Variants in ERLEC1 observed in about 807,000 individuals in gnomAD.
ERLEC1 encodes the protein endoplasmic reticulum lectin 1, also known as ER lectin.
Under a neutral mutation model 68.0 loss-of-function variants are expected in ERLEC1, and 47 were observed. The ratio of observed to expected loss-of-function variants is 0.69; its 90% confidence interval spans 0.55 to 0.88. The LOEUF (loss-of-function observed/expected upper bound fraction) is 0.88. ERLEC1 is among the 40% of genes least tolerant of loss of function. ERLEC1 has a pLI of 0.00. For missense variants in ERLEC1, 567 were observed against 583.8 expected (o/e 0.97, Z 0.30); for synonymous variants, 225 against 203.2 (o/e 1.11, Z -0.91).
chr2:53,794,207 T>G (rs1282942973), intron 1 of ERLEC1, 138 bp from the exon 2 acceptor site: 3 of 514,776 alleles, frequency 5.8e-6, no homozygotes, highest in Non-Finnish European at 1.0e-5. Flanking sequence ...TTGTAGCATA[T>G]TTTCCCTCCC....
chr2:53,800,022 C>T (rs983219583), intron 6 of ERLEC1, among the ~76,000 whole-genome samples: 1 of 152,018 alleles, frequency 6.6e-6, no homozygotes, highest in African/African-American at 2.4e-5. Flanking sequence ...CCAGACACTG[C>T]CAGACATTTA....
At chr2:53,797,424 T>C in intron 3 of ERLEC1, 91 bp from the exon 4 acceptor site, 2 of 869,520 alleles carry the variant, frequency 2.3e-6, no homozygotes, top group Non-Finnish European at 3.5e-6. Context: ...CTCTGAAATC[T>C]TAGGGGAAGT....
rs1488983840 is a variant in ERLEC1 at position 53,818,584 on chromosome 2, T to A, written c.*615T>A. On this transcript the variant is annotated 3_prime_UTR_variant, in exon 14 of 14. Transcript: ENST00000185150. ...TAGGTTGCTTCTCTCTCAGAACTTT[T>A]ATCTATTACTTTTTTCTTCTTATGA... is the stretch of plus-strand genomic sequence containing the variant. 1 of 152,214 alleles carries A rather than the reference T, an allele frequency of 6.6e-6. No individual in the cohort carries two copies. The highest frequency in any genetic ancestry group is 1.5e-5 in the Non-Finnish European group (1 of 68,044). The allele number at this position is 152,214 out of a possible 1,614,324, so 9.4% of individuals were successfully genotyped here. A position where few individuals can be genotyped will look rare whatever the true frequency, so the allele number is the denominator to read the frequency against.
intron 8 of ERLEC1, among the ~76,000 whole-genome samples, chr2:53,802,779 T>G (rs1369509963): frequency 6.6e-6 from 1 of 152,212 alleles, no homozygotes; most frequent in Non-Finnish European, 1.5e-5. Context: ...TCACCCAGGC[T>G]GGAGTGCAGT....
chr2:53,795,639 T>C (rs1433071941), intron 2 of ERLEC1, among the ~76,000 whole-genome samples: 1 of 152,198 alleles, frequency 6.6e-6, no homozygotes, highest in Non-Finnish European at 1.5e-5. Context: ...AGGAAACTGA[T>C]ACTTAAAAAC....
chr2:53,792,371 TAGG>T (rs928345527), intron 1 of ERLEC1, among the ~76,000 whole-genome samples: 9 of 152,152 alleles, frequency 5.9e-5, no homozygotes, highest in African/African-American at 2.2e-4. Context: ...CATAGTAATC[TAGG>T]AGAAGTTTGT....
At chr2:53,799,536 T>C (rs977434447) in intron 6 of ERLEC1, among the ~76,000 whole-genome samples, 2 of 152,126 alleles carry the variant, frequency 1.3e-5, no homozygotes, top group Non-Finnish European at 2.9e-5. Context: ...GTCAGACATA[T>C]TATAGGCACT....
chr2:53,787,719 T>C (rs767144697), intron 1 of ERLEC1: 9 of 223,162 alleles, frequency 4.0e-5, no homozygotes, highest in Non-Finnish European at 7.0e-5. Flanking sequence ...TAACTGTGGC[T>C]CTTACTTCAC....
rs1675878803 is a variant in ERLEC1, at chr2:53,799,218, G to GA, written c.525+139dup. 5.7e-6 allele frequency: 4 copies of GA among 702,010 alleles called. No individual in the cohort carries two copies. In the East Asian group the frequency reaches 1.1e-4, roughly 20 times the overall value. The allele number at this position is 702,010 out of a possible 1,614,324, so 43.5% of individuals were successfully genotyped here. ...AAATACCTTGAAGGACTGGGTCAAA[G>GA]AATCTTTGCAGTATATTCCTTTTTT... On this transcript the variant is annotated intron_variant, in intron 6 of 13. Transcript: ENST00000185150.
chr2:53,798,870 T>A (rs963169930), intron 5 of ERLEC1, among the ~76,000 whole-genome samples, 177 bp from the exon 6 acceptor site: 28 of 152,044 alleles, frequency 1.8e-4, no homozygotes, highest in African/African-American at 6.0e-4. Flanking sequence ...TAAATATGAC[T>A]TCCTTTCATA....
chr2:53,800,901 G>C (rs1675967548), intron 6 of ERLEC1, among the ~76,000 whole-genome samples: 1 of 152,076 alleles, frequency 6.6e-6, no homozygotes, highest in African/African-American at 2.4e-5. Flanking sequence ...AGTCAGTACT[G>C]TATTTAAACT....
intron 3 of ERLEC1, among the ~76,000 whole-genome samples, chr2:53,796,878 G>GT (rs1675734811): frequency 7.0e-6 from 1 of 142,342 alleles, no homozygotes; most frequent in African/African-American, 2.6e-5. Context: ...TCAAAATAAA[G>GT]TTTTCTTTTT....
At chr2:53,799,377 A>T (rs1037351971) in intron 6 of ERLEC1, among the ~76,000 whole-genome samples, 3 of 152,202 alleles carry the variant, frequency 2.0e-5, no homozygotes, top group Non-Finnish European at 4.4e-5. Context: ...TTCCCTCTAT[A>T]TAACACTGGA....
chr2:53,798,756 T>C (rs759380616), intron 5 of ERLEC1, among the ~76,000 whole-genome samples: 11 of 151,744 alleles, frequency 7.2e-5, no homozygotes, highest in Non-Finnish European at 1.5e-4. Flanking sequence ...TTCAGATTGG[T>C]CAGTTAATTT....
At position 53,803,969 on chromosome 2, in the gene ERLEC1, A is replaced by C. The variant is rs575366338; in HGVS notation, c.879+2127A>C. On this transcript the variant is annotated intron_variant, in intron 8 of 13. Transcript: ENST00000185150. Reference sequence around the variant, plus strand: ...CCTGGCAAAACCCCATCTCTACTAAAAATACAAAAAAATTAGCCAGGCACG... The same window carrying C: ...CCTGGCAAAACCCCATCTCTACTAACAATACAAAAAAATTAGCCAGGCACG... 2.6e-5 allele frequency among the ~76,000 whole-genome samples: 4 copies of C among 152,214 alleles called. No homozygotes were observed. In the South Asian group the frequency reaches 6.2e-4, roughly 24 times the overall value.
chr2:53,818,011 A>T lies in ERLEC1; in HGVS notation c.*42A>T. The T allele has an allele frequency of 2.4e-6, 3 of 1,244,490 alleles. No individual in the cohort carries two copies. Among genetic ancestry groups the T allele is most frequent in the Non-Finnish European group, 3.6e-6 (3 of 844,380 alleles). The allele number at this position is 1,244,490 out of a possible 1,614,324, so 77.1% of individuals were successfully genotyped here. A position where few individuals can be genotyped will look rare whatever the true frequency, so the allele number is the denominator to read the frequency against. On this transcript the variant is annotated 3_prime_UTR_variant, in exon 14 of 14. Coordinates refer to ENST00000185150, the MANE Select transcript of ERLEC1 (RefSeq NM_015701.5). ...GGGAAAGAAAAGATCATTGAAAGTCATGATAATTTCTGTCCCACTGTGTCT... is the reference window on the plus strand; with the variant it reads ...GGGAAAGAAAAGATCATTGAAAGTCTTGATAATTTCTGTCCCACTGTGTCT...
intron 2 of ERLEC1, among the ~76,000 whole-genome samples, chr2:53,795,632 A>G (rs930935530): frequency 1.3e-5 from 2 of 152,232 alleles, no homozygotes; most frequent in African/African-American, 4.8e-5. Flanking sequence ...ATTGTTCAGG[A>G]AACTGATACT....
In ERLEC1 at chr2:53,817,990, A is replaced by G. The variant is rs747087110; in HGVS notation, c.*21A>G. On this transcript the variant is annotated 3_prime_UTR_variant, in exon 14 of 14. Transcript: ENST00000185150. ...ACTAAAGGATATTAAAGTTAGGGGAAAGAAAAGATCATTGAAAGTCATGAT... is the reference window on the plus strand; with the variant it reads ...ACTAAAGGATATTAAAGTTAGGGGAGAGAAAAGATCATTGAAAGTCATGAT... 3 of 1,384,794 alleles carry G rather than the reference A, an allele frequency of 2.2e-6. No homozygotes were observed. The highest frequency in any genetic ancestry group is 1.8e-4 in the Middle Eastern group (1 of 5,512). The allele number at this position is 1,384,794 out of a possible 1,614,324, so 85.8% of individuals were successfully genotyped here. A position where few individuals can be genotyped will look rare whatever the true frequency, so the allele number is the denominator to read the frequency against.
chr2:53,814,622 T>C lies in ERLEC1; in HGVS notation c.1304+2T>C. 6.2e-7 allele frequency: 1 copy of C among 1,604,552 alleles called. No homozygotes were observed. Among genetic ancestry groups the C allele is most frequent in the Non-Finnish European group, 8.5e-7 (1 of 1,172,776 alleles). On this transcript the variant is annotated splice_donor_variant, in intron 12 of 13. Transcript: ENST00000185150. LOFTEE classifies it high-confidence loss of function. ...AAGACAGGTGACTGTAAAACTAAAG[T>C]AAGTTAGACCATCAAATCATGCTGT... is the stretch of plus-strand genomic sequence containing the variant.
Sources: allele counts gnomAD v4.1 joint callset (sites outside exome capture counted in the v4.1 genomes callset), GRCh38; gene constraint gnomAD v4.1.1; transcripts MANE v1.5; gene names NCBI Gene and HGNC (gene_info 2026-07-23, HGNC 2026-07-21).